Variants in MIPEP observed in about 807,000 individuals in gnomAD.
MIPEP encodes mitochondrial intermediate peptidase.
Under a neutral mutation model 90.3 loss-of-function variants are expected in MIPEP, and 79 were observed. The ratio of observed to expected loss-of-function variants is 0.87; its 90% CI spans 0.73 to 1.05. The LOEUF (loss-of-function observed/expected upper bound fraction) is 1.05, where lower values mean the gene tolerates loss of function less well. Among genes scored for constraint, MIPEP ranks in the 50% least tolerant of loss-of-function variants. The probability of loss-of-function intolerance (pLI) is 0.00; values close to 1 mark genes in which losing one functional copy is unlikely to be tolerated. For missense variants in MIPEP, 940 were observed against 905.6 expected (o/e 1.04, Z -0.49); for synonymous variants, 334 against 315.8 (o/e 1.06, Z -0.61).
intron 16 of MIPEP, among the ~76,000 whole-genome samples, chr13:23,795,031 C>CTTAA (rs1952941355): frequency 1.3e-5 from 2 of 152,122 alleles, no homozygotes; most frequent in African/African-American, 2.4e-5. Context: ...GGTCTTTCTT[C>CTTAA]GTATTTAAGA....
chr13:23,831,481 A>G (rs1158133011), intron 14 of MIPEP, among the ~76,000 whole-genome samples: 3 of 152,008 alleles, frequency 2.0e-5, no homozygotes, highest in African/African-American at 7.3e-5. Context: ...AAGCTTATGT[A>G]GCTTACAATT....
chr13:23,787,474 T>C (rs1952858639), intron 16 of MIPEP, among the ~76,000 whole-genome samples: 1 of 152,024 alleles, frequency 6.6e-6, no homozygotes, highest in South Asian at 2.1e-4. Context: ...GCTTCTCCTG[T>C]CTCTTCTTCT....
intron 10 of MIPEP, among the ~76,000 whole-genome samples, chr13:23,848,919 C>G (rs1869673789): frequency 6.6e-6 from 1 of 152,246 alleles, no homozygotes; most frequent in Admixed American, 6.5e-5. Context: ...CAAAAAGCTA[C>G]AGGGTGTTTC....
Position 23,889,190 on chromosome 13 carries a change from C to A in MIPEP, c.131G>T (p.Gly44Val). The A allele has an allele frequency of 6.8e-7, 1 of 1,467,418 alleles. No homozygotes were observed. The highest frequency in any genetic ancestry group is 9.0e-7 in the Non-Finnish European group (1 of 1,111,336). 90.9% of individuals were successfully genotyped at this position (1,467,418 alleles called of 1,614,324 possible). A position where few individuals can be genotyped will look rare whatever the true frequency, so the allele number is the denominator to read the frequency against. Reference sequence around the variant, plus strand: ...CTGGGGCTTGACATTGAAGGCGGCGCCCACGGGAGACCAGCTGGTGCTGAC... The same window carrying A: ...CTGGGGCTTGACATTGAAGGCGGCGACCACGGGAGACCAGCTGGTGCTGAC... ...RRVSTSWSPVGAAFNVKPQGS... is the reference protein window; with the variant it reads ...RRVSTSWSPVVAAFNVKPQGS... Residue 44 changes from glycine (G) to valine (V), a missense_variant, in exon 1 of 19, where the codon GGC becomes GTC. By Grantham distance (109) the Gly-to-Val change is moderately radical. Coordinates refer to ENST00000382172, the MANE Select transcript of MIPEP (RefSeq NM_005932.4).
At position 23,751,745 on chromosome 13, in the gene MIPEP, A is replaced by G. The variant is rs181469571; in HGVS notation, c.2044+4800T>C. ...ACTAACTGGGCCATGTCCTGCTTAC[A>G]TGGCTGTGGGGAGAATCTTTCCATC... On this transcript the variant is annotated intron_variant, in intron 18 of 18. Coordinates refer to ENST00000382172, the MANE Select transcript of MIPEP (RefSeq NM_005932.4). Among the ~76,000 whole-genome samples the G allele has an allele frequency of 8.5e-5, 13 of 152,252 alleles. No homozygotes were observed. In the East Asian group the frequency reaches 2.1e-3, roughly 25 times the overall value.
chr13:23,887,534 C>G (rs1482110888), intron 1 of MIPEP, among the ~76,000 whole-genome samples: 1 of 152,152 alleles, frequency 6.6e-6, no homozygotes, highest in Non-Finnish European at 1.5e-5. Context: ...CCATACTTCT[C>G]TATTACAATT....
chr13:23,779,152 T>C (rs1277988365), intron 16 of MIPEP, among the ~76,000 whole-genome samples: 1 of 152,212 alleles, frequency 6.6e-6, no homozygotes, highest in Non-Finnish European at 1.5e-5. Context: ...GCCTTTTCTA[T>C]TATTATTTAG....
At position 23,870,188 on chromosome 13, in the gene MIPEP, CT is replaced by C; in HGVS notation, c.610del (p.Arg204GlufsTer12). On this transcript the variant is annotated frameshift_variant, in exon 6 of 19. Transcript: ENST00000382172. LOFTEE classifies it high-confidence loss of function. ...GATTTTAACATTGAGGTCCACTGCTCTTTTACGCTGTATGCAGGAGGAGTAA... is the reference window on the plus strand; with the variant it reads ...GATTTTAACATTGAGGTCCACTGCTCTTTACGCTGTATGCAGGAGGAGTAA... ...GIHLDKEKRK[R>X]AVDLNVKILD... 6.3e-7 allele frequency: 1 copy of C among 1,597,954 alleles called. No individual in the cohort carries two copies. The highest frequency in any genetic ancestry group is 8.5e-7 in the Non-Finnish European group (1 of 1,171,684).
Position 23,833,705 on chromosome 13 carries a change from T to C in MIPEP, c.1653+2535A>G, listed in dbSNP as rs553282374. Reference sequence around the variant, plus strand: ...TAAAAAAAATTGACATTTGTATATGTGGTAAATTTCCACTCCAGATTTTAC... The same window carrying C: ...TAAAAAAAATTGACATTTGTATATGCGGTAAATTTCCACTCCAGATTTTAC... On this transcript the variant is annotated intron_variant, in intron 14 of 18. Coordinates refer to ENST00000382172, the MANE Select transcript of MIPEP (RefSeq NM_005932.4). Among the ~76,000 whole-genome samples, 15 of 152,334 alleles carry C rather than the reference T, an allele frequency of 9.8e-5. No individual in the cohort carries two copies. The East Asian group carries it at 2.9e-3, about 29-fold the overall frequency.
chr13:23,734,789 G>C (rs535356668), intron 18 of MIPEP, among the ~76,000 whole-genome samples: 1 of 152,058 alleles, frequency 6.6e-6, no homozygotes, highest in Non-Finnish European at 1.5e-5. Flanking sequence ...TCTAACAGCA[G>C]TTAGTGCGGC....
At chr13:23,733,665 T>C (rs1952229222) in intron 18 of MIPEP, among the ~76,000 whole-genome samples, 4 of 152,200 alleles carry the variant, frequency 2.6e-5, no homozygotes, top group Admixed American at 2.6e-4. Flanking sequence ...GACATGAAAA[T>C]ACTTGGTCCA....
At chr13:23,818,158 T>C (rs1953263463) in intron 14 of MIPEP, among the ~76,000 whole-genome samples, 1 of 152,112 alleles carries the variant, frequency 6.6e-6, no homozygotes, top group African/African-American at 2.4e-5. Context: ...GGTTCACTCC[T>C]GTAATCCCAG....
chr13:23,854,082 T>C (rs1163277244), intron 10 of MIPEP, among the ~76,000 whole-genome samples: 1 of 151,658 alleles, frequency 6.6e-6, no homozygotes, highest in Non-Finnish European at 1.5e-5. Flanking sequence ...TCCCAGCACT[T>C]TGGGAGGCCG....
intron 15 of MIPEP, among the ~76,000 whole-genome samples, chr13:23,808,784 A>G (rs1953140275): frequency 6.6e-6 from 1 of 152,222 alleles, no homozygotes; most frequent in Non-Finnish European, 1.5e-5. Context: ...GCAAATATAG[A>G]TTCACGGTTT....
At chr13:23,767,681 T>A (rs1218297175) in intron 16 of MIPEP, among the ~76,000 whole-genome samples, 1 of 152,184 alleles carries the variant, frequency 6.6e-6, no homozygotes, top group Non-Finnish European at 1.5e-5. Context: ...CTTGAACTCC[T>A]GACCTCGTGA....
intron 16 of MIPEP, among the ~76,000 whole-genome samples, chr13:23,760,765 CATAAAT>C (rs1261310401): frequency 3.3e-5 from 5 of 152,196 alleles, no homozygotes; most frequent in Admixed American, 1.3e-4. Context: ...TTTTGTATCA[CATAAAT>C]ATAATCATAT....
intron 18 of MIPEP, among the ~76,000 whole-genome samples, chr13:23,752,348 T>C (rs914292673): frequency 6.6e-6 from 1 of 152,256 alleles, no homozygotes; most frequent in African/African-American, 2.4e-5. Context: ...TACCAGTCTA[T>C]TTGCTGTAGT....
chr13:23,855,592 C>A (rs146388751), intron 10 of MIPEP, among the ~76,000 whole-genome samples: 233 of 152,312 alleles, frequency 1.5e-3, no homozygotes, highest in Non-Finnish European at 2.7e-3. Context: ...CCAAACCCAA[C>A]CTATGATATT....
chr13:23,797,786 T>C (rs996340130), intron 16 of MIPEP, among the ~76,000 whole-genome samples: 1 of 152,194 alleles, frequency 6.6e-6, no homozygotes, highest in Non-Finnish European at 1.5e-5. Context: ...AAAACGAGGA[T>C]CCCAATATAG....
Sources: allele counts gnomAD v4.1 joint callset (sites outside exome capture counted in the v4.1 genomes callset), GRCh38; gene constraint gnomAD v4.1.1; transcripts MANE v1.5; gene names NCBI Gene and HGNC (gene_info 2026-07-23, HGNC 2026-07-21).